ZNF638: variants seen among roughly 807,000 people sequenced by gnomAD.
ZNF638 encodes the protein zinc finger protein 638, also known as CTCL tumor antigen se33-1.
A neutral mutation model predicts 195.6 loss-of-function variants in ZNF638; 46 were observed. The ratio of observed to expected loss-of-function variants is 0.24; its 90% CI spans 0.19 to 0.30. The LOEUF (loss-of-function observed/expected upper bound fraction) is 0.30. Ranked by LOEUF, ZNF638 falls within the 10% of genes least tolerant of loss-of-function variation. The pLI is 1.00. For synonymous variants in ZNF638, 845 were observed against 772.0 expected (o/e 1.09, Z -1.57); for missense variants, 2,440 against 2,325.3 (o/e 1.05, Z -1.01).
intron 12 of ZNF638, among the ~76,000 whole-genome samples, 188 bp downstream of exon 12, chr2:71,398,960 A>G (rs934112306): frequency 2.0e-5 from 3 of 152,172 alleles, no homozygotes; most frequent in South Asian, 2.1e-4. Flanking sequence ...CATGTAAACA[A>G]TCACATATAT....
chr2:71,431,867 TAC>T (rs991696589), intron 26 of ZNF638, among the ~76,000 whole-genome samples: 3 of 152,246 alleles, frequency 2.0e-5, no homozygotes, highest in Non-Finnish European at 4.4e-5. Flanking sequence ...TTGCATGTTT[TAC>T]ACAGTGGCAT....
intron 10 of ZNF638, among the ~76,000 whole-genome samples, chr2:71,386,574 G>C (rs2079644986): frequency 6.6e-6 from 1 of 152,038 alleles, no homozygotes; most frequent in Admixed American, 6.6e-5. Context: ...AGGATACACC[G>C]TTATTTGCAA....
In ZNF638 at chr2:71,369,962, G is replaced by A. The variant is rs1388243634; in HGVS notation, c.2222G>A (p.Gly741Glu). ...YIETTPLTIK[G>E]KSVKICVPGK... ...GAAACAACACCTCTTACGATAAAAG[G>A]AAAAAGTGTGAAAATATGTGTTCCA... The change falls in exon 8 of 28, where the codon GGA (glycine) becomes GAA (glutamate). Residue 741 changes from glycine to glutamate, a missense_variant. Physicochemically the swap from Gly to Glu is moderately conservative, Grantham distance 98. Transcript: ENST00000264447. 1.3e-6 allele frequency: 2 copies of A among 1,594,970 alleles called. No individual in the cohort carries two copies. Among genetic ancestry groups the A allele is most frequent in the African/African-American group, 1.4e-5 (1 of 73,856 alleles).
chr2:71,416,855 G>A (rs1333646382), intron 20 of ZNF638, among the ~76,000 whole-genome samples: 2 of 143,652 alleles, frequency 1.4e-5, no homozygotes, highest in East Asian at 4.3e-4. Flanking sequence ...CCAGCTGCGT[G>A]CTGGGAGAAC....
At chr2:71,360,609 T>C (rs2542504) in intron 3 of ZNF638, among the ~76,000 whole-genome samples, 23,638 of 152,014 alleles carry the variant, frequency 0.16, 2,339 homozygotes, top group East Asian at 0.57. Flanking sequence ...AGAAGGATGT[T>C]TTTGTGGTGT....
At position 71,374,408 on chromosome 2, in the gene ZNF638, T is replaced by C. The variant is rs375175213; in HGVS notation, c.2265+4403T>C. On this transcript the variant is annotated intron_variant, in intron 8 of 27. Coordinates refer to ENST00000264447, the MANE Select transcript of ZNF638 (RefSeq NM_014497.5). Reference sequence around the variant, plus strand: ...CAACAATTACTATAGCTTCCTAATATTTCCCTGTCTTTCTTGTAGAGTTAT... The same window carrying C: ...CAACAATTACTATAGCTTCCTAATACTTCCCTGTCTTTCTTGTAGAGTTAT... Among the ~76,000 whole-genome samples the C allele has an allele frequency of 3.9e-5, 6 of 152,226 alleles. No homozygotes were observed. The South Asian group carries it at 8.3e-4, about 21-fold the overall frequency.
chr2:71,340,299 G>A (rs951945047), intron 1 of ZNF638, among the ~76,000 whole-genome samples: 1 of 152,140 alleles, frequency 6.6e-6, no homozygotes, highest in Non-Finnish European at 1.5e-5. Flanking sequence ...GTCAACACTT[G>A]TGGCACCCTC....
At chr2:71,343,515 C>T (rs1488888006) in intron 1 of ZNF638, among the ~76,000 whole-genome samples, 2 of 152,074 alleles carry the variant, frequency 1.3e-5, no homozygotes, top group Non-Finnish European at 2.9e-5. Flanking sequence ...CAACAAAAAT[C>T]AGTGTTTAGC....
intron 10 of ZNF638, chr2:71,393,575 C>A (rs1215856319): frequency 9.8e-6 from 7 of 717,932 alleles, no homozygotes; most frequent in African/African-American, 1.7e-5. Context: ...ACTTACAAGG[C>A]TGAGCAAATC....
intron 24 of ZNF638, 78 bp from the exon 25 acceptor site, chr2:71,428,469 C>G (rs987799747): frequency 7.7e-7 from 1 of 1,298,590 alleles, no homozygotes; most frequent in South Asian, 1.5e-5. Flanking sequence ...AATGTTGATT[C>G]AGACAGTATA....
chr2:71,433,059 C>T, intron 26 of ZNF638, 106 bp from the exon 27 acceptor site: 2 of 926,576 alleles, frequency 2.2e-6, no homozygotes, highest in Non-Finnish European at 3.4e-6. Flanking sequence ...TGCCCTCCAA[C>T]CTGGATGACA....
rs1168903256 is a variant in ZNF638 at position 71,374,935 on chromosome 2, G to C, written c.2265+4930G>C. 4.6e-5 allele frequency: 7 copies of C among 152,142 alleles called. No homozygotes were observed. In the East Asian group the frequency reaches 7.7e-4, roughly 17 times the overall value. 9.4% of individuals were successfully genotyped at this position (152,142 alleles called of 1,614,324 possible). A position where few individuals can be genotyped will look rare whatever the true frequency, so the allele number is the denominator to read the frequency against. On this transcript the variant is annotated intron_variant, in intron 8 of 27. Transcript: ENST00000264447. ...CCAGGCTTTGTCTTAAACAAACAAA[G>C]AACATGGTTTGTCCATTTAGATTTC...
chr2:71,367,540 C>G (rs1404178131), intron 6 of ZNF638, among the ~76,000 whole-genome samples: 1 of 147,836 alleles, frequency 6.8e-6, no homozygotes, highest in Non-Finnish European at 1.5e-5. Context: ...TCAAGTGATT[C>G]TCCTGCCTCC....
chr2:71,427,469 T>A, intron 24 of ZNF638, 55 bp downstream of exon 24: 2 of 1,325,968 alleles, frequency 1.5e-6, no homozygotes, highest in South Asian at 1.6e-5. Flanking sequence ...ACATTTAAAA[T>A]TAATTTTAAA....
At chr2:71,409,641 T>C (rs1005818089) in intron 20 of ZNF638, among the ~76,000 whole-genome samples, 10 of 152,172 alleles carry the variant, frequency 6.6e-5, no homozygotes, top group Admixed American at 6.5e-5. Flanking sequence ...TATGGTTTTC[T>C]TGTATGGTTT....
chr2:71,418,709 T>C, intron 21 of ZNF638, 70 bp downstream of exon 21: 1 of 1,087,922 alleles, frequency 9.2e-7, no homozygotes. Flanking sequence ...CTGTATTTTA[T>C]AGTAATGGCT....
chr2:71,421,840 A>C (rs750942323), intron 21 of ZNF638, among the ~76,000 whole-genome samples: 5 of 152,134 alleles, frequency 3.3e-5, no homozygotes, highest in Non-Finnish European at 5.9e-5. Flanking sequence ...TTTGGAAGCT[A>C]AGGTTTTCCT....
In ZNF638 at chr2:71,368,469, A is replaced by C; in HGVS notation, c.2083A>C (p.Lys695Gln). The change falls in exon 7 of 28, where the codon AAA becomes CAA. Residue 695 changes from lysine to glutamine, a missense_variant. This residue lies in a region of ZNF638 where 1,883 missense variants were observed against 1,739.1 expected (regional missense o/e 1.08). Transcript: ENST00000264447. ...EDGCTEEDVRKLFQPFGKVND... is the reference protein window; with the variant it reads ...EDGCTEEDVRQLFQPFGKVND... Reference sequence around the variant, plus strand: ...TGGTTGTACTGAAGAAGATGTGAGAAAATTATTTCAACCATTTGGGAAAGT... The same window carrying C: ...TGGTTGTACTGAAGAAGATGTGAGACAATTATTTCAACCATTTGGGAAAGT... 6.2e-7 allele frequency: 1 copy of C among 1,613,674 alleles called. No homozygotes were observed. Among genetic ancestry groups the C allele is most frequent in the Non-Finnish European group, 8.5e-7 (1 of 1,179,792 alleles).
intron 10 of ZNF638, among the ~76,000 whole-genome samples, chr2:71,382,730 T>C (rs1435094106): frequency 6.6e-6 from 1 of 152,190 alleles, no homozygotes; most frequent in Non-Finnish European, 1.5e-5. Flanking sequence ...ATATTAAATA[T>C]AAAATAAACA....
Sources: gnomAD v4.1 joint callset for allele counts (sites outside exome capture counted in the v4.1 genomes callset) on GRCh38, gnomAD v4.1.1 for gene constraint, gnomAD v4.1.1 regional missense constraint, MANE v1.5 for transcripts, NCBI Gene and HGNC (gene_info 2026-07-23, HGNC 2026-07-21) for gene names.